Variants in COG5 observed in about 807,000 individuals in gnomAD.
The protein encoded by COG5 is conserved oligomeric Golgi complex subunit 5.
Under a neutral mutation model 110.4 loss-of-function variants are expected in COG5, and 86 were observed. The observed-to-expected ratio is 0.78, with a 90% CI of 0.65 to 0.93. The LOEUF (loss-of-function observed/expected upper bound fraction) is 0.93, where lower values mean the gene tolerates loss of function less well. COG5 is among the 40% of genes least tolerant of loss of function. The probability of loss-of-function intolerance (pLI) is 0.00; values close to 1 mark genes in which losing one functional copy is unlikely to be tolerated. For synonymous variants in COG5, 360 were observed against 334.6 expected, an observed-to-expected ratio of 1.08 and a Z score of -0.83; for missense variants, 1,077 against 987.0, an observed-to-expected ratio of 1.09 and a Z score of -1.22.
intron 14 of COG5, among the ~76,000 whole-genome samples, chr7:107,274,670 TG>T (rs1804555686): frequency 6.6e-6 from 1 of 152,196 alleles, no homozygotes; most frequent in African/African-American, 2.4e-5. Context: ...GCACCCCATA[TG>T]ACCCGAGAAG....
intron 5 of COG5, among the ~76,000 whole-genome samples, chr7:107,545,795 AAAAAG>A (rs1563093538): frequency 6.6e-6 from 1 of 150,602 alleles, no homozygotes. Context: ...AAAAAAAAAA[AAAAAG>A]AAAAGAAAAG....
chr7:107,256,290 G>T (rs1802875744), intron 16 of COG5, among the ~76,000 whole-genome samples: 1 of 152,044 alleles, frequency 6.6e-6, no homozygotes, highest in Admixed American at 6.6e-5. Flanking sequence ...ATTGTCCTAT[G>T]CATTGCAAGA....
intron 21 of COG5, chr7:107,209,485 G>A (rs1799009317): frequency 6.3e-6 from 1 of 158,562 alleles, no homozygotes; most frequent in Admixed American, 6.5e-5. Flanking sequence ...TCACAGACCT[G>A]AGGGCTCTTA....
At chr7:107,384,223 A>G (rs754051486) in intron 7 of COG5, among the ~76,000 whole-genome samples, 44 of 152,068 alleles carry the variant, frequency 2.9e-4, no homozygotes, top group Non-Finnish European at 4.9e-4. Context: ...ATTTCCCCCA[A>G]AATAGCGCCC....
chr7:107,377,767 G>C (rs770333849), intron 7 of COG5, among the ~76,000 whole-genome samples: 1 of 152,202 alleles, frequency 6.6e-6, no homozygotes, highest in Non-Finnish European at 1.5e-5. Flanking sequence ...TCTGGGCAGG[G>C]CATCTCTGAA....
At chr7:107,405,314 T>A (rs1791754258) in intron 7 of COG5, among the ~76,000 whole-genome samples, 1 of 152,214 alleles carries the variant, frequency 6.6e-6, no homozygotes, top group African/African-American at 2.4e-5. Flanking sequence ...GAACAATGGT[T>A]CGTTTCACTC....
intron 6 of COG5, among the ~76,000 whole-genome samples, chr7:107,521,852 A>G (rs1800341004): frequency 6.6e-6 from 1 of 152,198 alleles, no homozygotes; most frequent in Admixed American, 6.5e-5. Flanking sequence ...CTGCAGCACT[A>G]CTTACAGTAG....
At chr7:107,373,726 C>T (rs899245347) in intron 7 of COG5, among the ~76,000 whole-genome samples, 2 of 152,004 alleles carry the variant, frequency 1.3e-5, no homozygotes, top group African/African-American at 4.8e-5. Context: ...AACAAATTAC[C>T]AAGCTAGAAG....
chr7:107,384,706 C>T (rs1352366855), intron 7 of COG5, among the ~76,000 whole-genome samples: 1 of 152,116 alleles, frequency 6.6e-6, no homozygotes, highest in Non-Finnish European at 1.5e-5. Flanking sequence ...GAAGAGATAC[C>T]AGAAAGCTTG....
intron 17 of COG5, among the ~76,000 whole-genome samples, chr7:107,240,811 C>T (rs1455425441): frequency 6.6e-6 from 1 of 152,014 alleles, no homozygotes; most frequent in African/African-American, 2.4e-5. Context: ...AAATTACTGC[C>T]ATGGGGGCAA....
At chr7:107,468,268 G>A (rs1796421464) in intron 6 of COG5, among the ~76,000 whole-genome samples, 2 of 152,002 alleles carry the variant, frequency 1.3e-5, no homozygotes, top group South Asian at 4.2e-4. Context: ...TACTTCATGG[G>A]GATATTCTGA....
chr7:107,243,315 C>A (rs1181772999), intron 17 of COG5, among the ~76,000 whole-genome samples: 1 of 151,716 alleles, frequency 6.6e-6, no homozygotes, highest in Admixed American at 6.6e-5. Flanking sequence ...AGATCGAGAC[C>A]CTCCTGGCTA....
chr7:107,204,801 C>T (rs550735910), intron 21 of COG5, among the ~76,000 whole-genome samples: 2 of 152,310 alleles, frequency 1.3e-5, no homozygotes, highest in South Asian at 4.1e-4. Context: ...CGACCTCCCC[C>T]TCCTGATCTC....
At chr7:107,246,917 T>C (rs1285555026) in intron 17 of COG5, among the ~76,000 whole-genome samples, 3 of 152,146 alleles carry the variant, frequency 2.0e-5, no homozygotes, top group South Asian at 4.1e-4. Context: ...AACATATGCA[T>C]GTGCATGTTC....
At chr7:107,341,587 A>G (rs1811175573) in intron 10 of COG5, among the ~76,000 whole-genome samples, 1 of 152,184 alleles carries the variant, frequency 6.6e-6, no homozygotes, top group Non-Finnish European at 1.5e-5. Flanking sequence ...CTAAGCAAAA[A>G]GAACAAAGCT....
At chr7:107,262,035 C>T (rs931308868) in intron 14 of COG5, among the ~76,000 whole-genome samples, 1 of 151,828 alleles carries the variant, frequency 6.6e-6, no homozygotes, top group Admixed American at 6.6e-5. Context: ...GGATTACAGT[C>T]ATGCGTCACC....
intron 6 of COG5, among the ~76,000 whole-genome samples, chr7:107,518,452 A>C (rs1800098997): frequency 6.6e-6 from 1 of 152,166 alleles, no homozygotes; most frequent in African/African-American, 2.4e-5. Context: ...TCAAAATAAG[A>C]GGATAGATGA....
chr7:107,284,528 T>C (rs1805467450), intron 12 of COG5, among the ~76,000 whole-genome samples: 1 of 152,202 alleles, frequency 6.6e-6, no homozygotes, highest in South Asian at 2.1e-4. Context: ...TTTTCCATTT[T>C]TGTGTTACTA....
intron 7 of COG5, among the ~76,000 whole-genome samples, chr7:107,390,792 A>C (rs1790568035): frequency 6.7e-6 from 1 of 149,760 alleles, no homozygotes; most frequent in Non-Finnish European, 1.5e-5. Context: ...CACACCTGAC[A>C]AATCTGTTCC....
Sources: gnomAD v4.1 joint callset for allele counts (sites outside exome capture counted in the v4.1 genomes callset) on GRCh38, gnomAD v4.1.1 for gene constraint, MANE v1.5 for transcripts, NCBI Gene and HGNC (gene_info 2026-07-23, HGNC 2026-07-21) for gene names.